Variants in UBE2E2 observed in about 807,000 individuals in gnomAD.
UBE2E2 encodes the protein ubiquitin conjugating enzyme E2 E2.
UBE2E2 carries 6 observed loss-of-function variants against 24.7 expected under a neutral mutation model. The observed-to-expected ratio is 0.24, with a 90% CI of 0.13 to 0.48. The LOEUF (loss-of-function observed/expected upper bound fraction) is 0.48, where lower values mean the gene tolerates loss of function less well. UBE2E2 is among the 20% of genes least tolerant of loss of function. The pLI is 0.99. For synonymous variants in UBE2E2, 104 were observed against 83.6 expected, an observed-to-expected ratio of 1.24 and a Z score of -1.33; for missense variants, 169 against 245.0, an observed-to-expected ratio of 0.69 and a Z score of 2.07.
chr3:23,305,042 C>T (rs1485370554), intron 3 of UBE2E2, among the ~76,000 whole-genome samples: 1 of 152,112 alleles, frequency 6.6e-6, no homozygotes, highest in Admixed American at 6.6e-5. Context: ...TAAGTAACAC[C>T]ACCGATCTTA....
chr3:23,377,492 A>G (rs1468061787), intron 3 of UBE2E2, among the ~76,000 whole-genome samples: 1 of 152,228 alleles, frequency 6.6e-6, no homozygotes, highest in African/African-American at 2.4e-5. Context: ...TTTGAAAGCC[A>G]GTGGCAGAGC....
intron 4 of UBE2E2, among the ~76,000 whole-genome samples, chr3:23,504,308 A>G (rs1694378752): frequency 6.6e-6 from 1 of 152,214 alleles, no homozygotes; most frequent in Non-Finnish European, 1.5e-5. Flanking sequence ...ATTCCGTTGT[A>G]TAAATATACC....
intron 3 of UBE2E2, among the ~76,000 whole-genome samples, chr3:23,398,145 T>C (rs1303424828): frequency 6.6e-6 from 1 of 151,946 alleles, no homozygotes; most frequent in East Asian, 1.9e-4. Flanking sequence ...AAACCCTGTC[T>C]CTACTAAAAA....
intron 3 of UBE2E2, among the ~76,000 whole-genome samples, chr3:23,313,206 A>G (rs992378850): frequency 6.6e-6 from 1 of 151,844 alleles, no homozygotes; most frequent in African/African-American, 2.4e-5. Flanking sequence ...TTTTATTGTT[A>G]TATAGTGACC....
chr3:23,428,607 G>C (rs554916632), intron 3 of UBE2E2, among the ~76,000 whole-genome samples: 12 of 152,106 alleles, frequency 7.9e-5, no homozygotes, highest in Admixed American at 2.6e-4. Flanking sequence ...TCAAAAGCTG[G>C]TTCTTTGAAA....
intron 4 of UBE2E2, among the ~76,000 whole-genome samples, chr3:23,502,240 T>G (rs1699739869): frequency 3.3e-5 from 5 of 151,954 alleles, no homozygotes; most frequent in Admixed American, 3.3e-4. Flanking sequence ...TGCTCTTTTT[T>G]TTTTTTTCAC....
chr3:23,497,623 A>G (rs1009051417), intron 3 of UBE2E2, among the ~76,000 whole-genome samples: 1 of 152,220 alleles, frequency 6.6e-6, no homozygotes, highest in Admixed American at 6.5e-5. Context: ...AGAGATCGGT[A>G]TATATTTTCT....
At chr3:23,487,205 G>C (rs909949956) in intron 3 of UBE2E2, among the ~76,000 whole-genome samples, 1 of 152,222 alleles carries the variant, frequency 6.6e-6, no homozygotes, top group Non-Finnish European at 1.5e-5. Context: ...GCAGTGCCCA[G>C]GCTCAGCTAC....
chr3:23,535,395 C>G (rs1353163144), intron 5 of UBE2E2, among the ~76,000 whole-genome samples: 1 of 152,096 alleles, frequency 6.6e-6, no homozygotes, highest in Admixed American at 6.5e-5. Flanking sequence ...TATCTAACGC[C>G]GTCACCTCAA....
chr3:23,526,612 C>G (rs1188013818), intron 4 of UBE2E2, among the ~76,000 whole-genome samples: 1 of 152,100 alleles, frequency 6.6e-6, no homozygotes, highest in Non-Finnish European at 1.5e-5. Context: ...GGCAGGACCC[C>G]CAAAGAGGAG....
In UBE2E2 at chr3:23,359,304, A is replaced by G. The variant is rs556981088; in HGVS notation, c.228-140304A>G. On this transcript the variant is annotated intron_variant, in intron 3 of 5. Coordinates refer to ENST00000396703, the MANE Select transcript of UBE2E2 (RefSeq NM_152653.4). ...CTCCTTTGAGAAATATGGTTCTGGC[A>G]GGTTTTTAGAATGTAGATCAACAAG... Among the ~76,000 whole-genome samples the G allele has an allele frequency of 2.0e-5, 3 of 152,278 alleles. No individual in the cohort carries two copies. The East Asian group carries it at 5.8e-4, about 29-fold the overall frequency.
At chr3:23,303,201 C>G (rs6774590) in intron 3 of UBE2E2, among the ~76,000 whole-genome samples, 1 of 151,832 alleles carries the variant, frequency 6.6e-6, no homozygotes, top group African/African-American at 2.4e-5. Context: ...CTCCCGTCAC[C>G]CCCAGATGGG....
chr3:23,367,152 A>AT (rs758341546), intron 3 of UBE2E2, among the ~76,000 whole-genome samples: 1 of 152,124 alleles, frequency 6.6e-6, no homozygotes, highest in Non-Finnish European at 1.5e-5. Flanking sequence ...CTTTTAAGTG[A>AT]TTTTCAGTTT....
intron 3 of UBE2E2, among the ~76,000 whole-genome samples, chr3:23,334,429 A>G (rs1392053297): frequency 3.9e-5 from 6 of 152,198 alleles, no homozygotes; most frequent in Admixed American, 6.5e-5. Context: ...ACGTCCTACA[A>G]CTGCGTATTG....
intron 3 of UBE2E2, among the ~76,000 whole-genome samples, chr3:23,332,335 G>A (rs1344640964): frequency 6.6e-6 from 1 of 151,886 alleles, no homozygotes; most frequent in Non-Finnish European, 1.5e-5. Context: ...GTAGAGATGG[G>A]GCTTCATGAT....
At chr3:23,582,152 G>A (rs548452218) in intron 5 of UBE2E2, among the ~76,000 whole-genome samples, 51 of 152,222 alleles carry the variant, frequency 3.4e-4, no homozygotes, top group Non-Finnish European at 6.2e-4. Context: ...GAGAACATGC[G>A]GTATTTTGTT....
At chr3:23,577,445 G>GT (rs1197096914) in intron 5 of UBE2E2, among the ~76,000 whole-genome samples, 1 of 152,012 alleles carries the variant, frequency 6.6e-6, no homozygotes, top group Non-Finnish European at 1.5e-5. Flanking sequence ...GCATAAGGCC[G>GT]TAACTCTCTG....
At chr3:23,586,908 T>C (rs747596051) in intron 5 of UBE2E2, among the ~76,000 whole-genome samples, 87 of 20,328 alleles carry the variant, frequency 4.3e-3, no homozygotes, top group Non-Finnish European at 4.8e-3. Context: ...AATTAATCCC[T>C]TTTTTTTTTT....
At chr3:23,480,515 C>T (rs1054032424) in intron 3 of UBE2E2, among the ~76,000 whole-genome samples, 9 of 152,100 alleles carry the variant, frequency 5.9e-5, no homozygotes, top group Non-Finnish European at 8.8e-5. Flanking sequence ...CAGCCCCGAC[C>T]GGTTCCATGG....
Sources: gnomAD v4.1 joint callset for allele counts (sites outside exome capture counted in the v4.1 genomes callset) on GRCh38, gnomAD v4.1.1 for gene constraint, MANE v1.5 for transcripts, NCBI Gene and HGNC (gene_info 2026-07-23, HGNC 2026-07-21) for gene names.